Variants in MARCHF11 observed in about 807,000 individuals in gnomAD.
MARCHF11 encodes the protein E3 ubiquitin-protein ligase MARCHF11.
A neutral mutation model predicts 37.3 loss-of-function variants in MARCHF11; 29 were observed. The observed-to-expected ratio is 0.78, with a 90% CI of 0.58 to 1.06. The LOEUF is 1.06. Among genes scored for constraint, MARCHF11 ranks in the 50% least tolerant of loss-of-function variants. MARCHF11 has a pLI of 0.00. For missense variants in MARCHF11, 482 were observed against 533.4 expected, an observed-to-expected ratio of 0.90 and a Z score of 0.95; for synonymous variants, 233 against 228.0, an observed-to-expected ratio of 1.02 and a Z score of -0.20.
At chr5:16,152,907 G>A (rs1283085779) in intron 2 of MARCHF11, among the ~76,000 whole-genome samples, 2 of 151,888 alleles carry the variant, frequency 1.3e-5, no homozygotes, top group African/African-American at 4.8e-5. Flanking sequence ...AACTTAAATG[G>A]TATAAAGTAA....
chr5:16,112,684 T>G (rs1259516741), intron 2 of MARCHF11, among the ~76,000 whole-genome samples: 8 of 152,148 alleles, frequency 5.3e-5, no homozygotes, highest in Non-Finnish European at 1.0e-4. Flanking sequence ...CATGATTGGT[T>G]TTGAAATCTG....
At chr5:16,128,005 A>G (rs983251523) in intron 2 of MARCHF11, among the ~76,000 whole-genome samples, 1 of 152,116 alleles carries the variant, frequency 6.6e-6, no homozygotes, top group Non-Finnish European at 1.5e-5. Flanking sequence ...TCACAGCTAC[A>G]GCCTCCAGGA....
chr5:16,179,057 G>A lies in MARCHF11; in HGVS notation c.519C>T (p.Cys173=). The A allele has an allele frequency of 1.3e-6, 2 of 1,486,762 alleles. No individual in the cohort carries two copies. Among genetic ancestry groups the A allele is most frequent in the African/African-American group, 1.5e-5 (1 of 68,570 alleles). 92.1% of individuals were successfully genotyped at this position (1,486,762 alleles called of 1,614,324 possible). Reference sequence around the variant, plus strand: ...GCCTTACCTGCTCCGCGCCCTGGAAGCAGATCTTGCAGATGGGCTGGTGGT... The same window carrying A: ...GCCTTACCTGCTCCGCGCCCTGGAAACAGATCTTGCAGATGGGCTGGTGGT... ...HQHHQPICKI[C]FQGAEQGELL... is the part of the protein sequence containing the mutation. The change falls in exon 1 of 4, where the codon TGC becomes TGT. Residue 173 remains cysteine (C), a synonymous_variant. Transcript: ENST00000332432.
chr5:16,122,922 T>C (rs1459935872), intron 2 of MARCHF11, among the ~76,000 whole-genome samples: 3 of 152,226 alleles, frequency 2.0e-5, no homozygotes, highest in East Asian at 3.8e-4. Flanking sequence ...GGCTGGATTA[T>C]ACTATGTTAG....
Position 16,179,191 on chromosome 5 carries a change from C to G in MARCHF11, c.385G>C (p.Glu129Gln). The G allele has an allele frequency of 7.5e-7, 1 of 1,341,672 alleles. No individual in the cohort carries two copies. Among genetic ancestry groups the G allele is most frequent in the South Asian group, 1.9e-5 (1 of 52,004 alleles). The allele number at this position is 1,341,672 out of a possible 1,614,324, so 83.1% of individuals were successfully genotyped here. A position where few individuals can be genotyped will look rare whatever the true frequency, so the allele number is the denominator to read the frequency against. ...TCTCCGGCGCCCCGCCGCTCGCGCTCGCCGCCCGCGCCGGCCTCAGACTCC... is the reference window on the plus strand; with the variant it reads ...TCTCCGGCGCCCCGCCGCTCGCGCTGGCCGCCCGCGCCGGCCTCAGACTCC... The part of the protein sequence containing the change: ...PGESEAGAGG[E>Q]RERRGAGDQP... The change falls in exon 1 of 4, where the codon GAG becomes CAG. Residue 129 changes from glutamate (E) to glutamine (Q), a missense_variant. Glu to Gln is a conservative substitution (Grantham distance 29). Coordinates refer to ENST00000332432, the MANE Select transcript of MARCHF11 (RefSeq NM_001102562.3).
intron 2 of MARCHF11, among the ~76,000 whole-genome samples, chr5:16,147,800 A>G (rs1189460272): frequency 2.6e-5 from 4 of 152,254 alleles, no homozygotes; most frequent in African/African-American, 9.6e-5. Context: ...GTTTGCAGTT[A>G]TTTGGGTCCA....
chr5:16,119,365 TA>T (rs879795389), intron 2 of MARCHF11, among the ~76,000 whole-genome samples: 5,852 of 140,768 alleles, frequency 0.042, 246 homozygotes, highest in African/African-American at 0.11. Context: ...CCATCTCAAT[TA>T]AAAAAAAAAA....
intron 2 of MARCHF11, among the ~76,000 whole-genome samples, chr5:16,122,218 A>G (rs573999553): frequency 6.6e-6 from 1 of 152,232 alleles, no homozygotes; most frequent in South Asian, 2.1e-4. Context: ...CTTGGTCCCT[A>G]AGCATCACAC....
At chr5:16,161,880 T>C (rs1738083793) in intron 2 of MARCHF11, among the ~76,000 whole-genome samples, 1 of 152,028 alleles carries the variant, frequency 6.6e-6, no homozygotes, top group Non-Finnish European at 1.5e-5. Flanking sequence ...GGGCATTCAA[T>C]GAGATGATGA....
chr5:16,137,753 G>A (rs1335586600), intron 2 of MARCHF11, among the ~76,000 whole-genome samples: 1 of 152,146 alleles, frequency 6.6e-6, no homozygotes, highest in African/African-American at 2.4e-5. Context: ...GGAACTTATT[G>A]GGAACTGGAG....
intron 2 of MARCHF11, among the ~76,000 whole-genome samples, chr5:16,099,915 C>A (rs896449888): frequency 1.3e-5 from 2 of 152,062 alleles, no homozygotes; most frequent in Admixed American, 1.3e-4. Flanking sequence ...GATGTGTACT[C>A]GGGAATGCTG....
chr5:16,072,998 A>G (rs1736463565), intron 3 of MARCHF11, among the ~76,000 whole-genome samples: 1 of 152,182 alleles, frequency 6.6e-6, no homozygotes, highest in Admixed American at 6.5e-5. Context: ...TAATTTACTC[A>G]TGTTTTAAAC....
intron 2 of MARCHF11, among the ~76,000 whole-genome samples, chr5:16,177,328 G>C (rs1422171603): frequency 6.6e-6 from 1 of 152,142 alleles, no homozygotes; most frequent in African/African-American, 2.4e-5. Flanking sequence ...ACTTGTATCT[G>C]TTCTCCATAA....
rs535285119 is a variant in MARCHF11 at position 16,127,986 on chromosome 5, T to A, written c.694-36905A>T. On this transcript the variant is annotated intron_variant, in intron 2 of 3. Coordinates refer to ENST00000332432, the MANE Select transcript of MARCHF11 (RefSeq NM_001102562.3). ...GCTACATTCTCCTACATGCTGCTCA[T>A]CCCCTCTTTCACAGCTACAGCCTCC... Among the ~76,000 whole-genome samples, 4 of 152,178 alleles carry A rather than the reference T, an allele frequency of 2.6e-5. No homozygotes were observed. In the South Asian group the frequency reaches 8.3e-4, roughly 32 times the overall value.
chr5:16,092,037 A>G (rs981186346), intron 2 of MARCHF11, among the ~76,000 whole-genome samples: 2 of 152,200 alleles, frequency 1.3e-5, no homozygotes, highest in African/African-American at 4.8e-5. Context: ...AGAATTCTTA[A>G]ACAGTTTTTT....
At chr5:16,090,271 T>C (rs956150000) in intron 3 of MARCHF11, among the ~76,000 whole-genome samples, 8 of 152,132 alleles carry the variant, frequency 5.3e-5, no homozygotes, top group African/African-American at 1.4e-4. Context: ...AACAGATGGG[T>C]CAAAGGAAAC....
intron 2 of MARCHF11, among the ~76,000 whole-genome samples, chr5:16,133,661 A>G (rs1332957502): frequency 1.3e-5 from 2 of 152,056 alleles, no homozygotes; most frequent in Admixed American, 1.3e-4. Flanking sequence ...ACACACACAC[A>G]CACACATTTG....
In MARCHF11 at chr5:16,156,899, A is replaced by T. The variant is rs1266141635; in HGVS notation, c.693+20827T>A. On this transcript the variant is annotated intron_variant, in intron 2 of 3. Transcript: ENST00000332432. The stretch of plus-strand genomic sequence containing the variant: ...CTAAAATAGAAAAGCTACAGTAAAA[A>T]TACAGTATTATGCTCTTATGGAACC... Among the ~76,000 whole-genome samples, 6 of 152,060 alleles carry T rather than the reference A, an allele frequency of 3.9e-5. No homozygotes were observed. In the East Asian group the frequency reaches 7.8e-4, roughly 20 times the overall value.
chr5:16,117,516 C>T (rs1278718003), intron 2 of MARCHF11, among the ~76,000 whole-genome samples: 1 of 152,134 alleles, frequency 6.6e-6, no homozygotes, highest in Non-Finnish European at 1.5e-5. Flanking sequence ...ATTTGCAAAG[C>T]AACATTTGGT....
Sources: gnomAD v4.1 joint callset for allele counts (sites outside exome capture counted in the v4.1 genomes callset) on GRCh38, gnomAD v4.1.1 for gene constraint, MANE v1.5 for transcripts, NCBI Gene and HGNC (gene_info 2026-07-23, HGNC 2026-07-21) for gene names.